BCORL1: variants seen among roughly 807,000 people sequenced by gnomAD.
BCORL1 encodes BCL-6 corepressor-like protein 1.
A neutral mutation model predicts 87.6 loss-of-function variants in BCORL1; 7 were observed. The observed-to-expected ratio is 0.08, with a 90% CI of 0.05 to 0.15. BCORL1 has a LOEUF of 0.15. BCORL1 is among the 10% of genes least tolerant of loss of function. BCORL1 has a pLI of 1.00. For synonymous variants in BCORL1, 591 were observed against 634.4 expected, an observed-to-expected ratio of 0.93 and a Z score of 1.03; for missense variants, 1,215 against 1,499.7, an observed-to-expected ratio of 0.81 and a Z score of 3.13.
rs539822611 is a variant in BCORL1, at chrX:130,014,852, G to A, written c.2080G>A (p.Val694Met). 3.9e-5 allele frequency: 47 copies of A among 1,211,557 alleles called. No homozygotes were observed. Among genetic ancestry groups the A allele is most frequent in the African/African-American group, 6.9e-5 (4 of 57,726 alleles). ...SSPFVIFPEI[V>M]RNGDPSTWVK... is the part of the protein sequence containing the mutation. ...GCCCTTTGTCATCTTTCCCGAGATC[G>A]TGAGGAATGGGGACCCGAGCACCTG... Residue 694 changes from valine to methionine, a missense_variant, in exon 4 of 14, where the codon GTG becomes ATG. By Grantham distance (21) the Val-to-Met change is conservative (BLOSUM62 1). Transcript: ENST00000540052.
chrX:129,999,297 C>CT (rs1213156086), intron 1 of BCORL1, among the ~76,000 whole-genome samples: 1,686 of 39,113 alleles, frequency 0.043, 411 homozygotes, highest in Admixed American at 0.075. Context: ...TGAAACACAT[C>CT]TTTTTTTTTT....
intron 4 of BCORL1, among the ~76,000 whole-genome samples, chrX:130,020,317 G>A (rs952975499): frequency 8.9e-6 from 1 of 111,829 alleles, no homozygotes; most frequent in African/African-American, 3.3e-5. Flanking sequence ...AGGGTTGTGG[G>A]GAGGATAAAA....
At chrX:130,024,588 G>A (rs1260958253) in intron 6 of BCORL1, among the ~76,000 whole-genome samples, 1 of 110,982 alleles carries the variant, frequency 9.0e-6, no homozygotes, top group African/African-American at 3.3e-5. Flanking sequence ...CCAGGGACCC[G>A]TGGCCCTCTC....
rs776398417 is a variant in BCORL1 at position 130,033,409 on chromosome X, C to T, written c.4306-1046C>T. On this transcript the variant is annotated intron_variant, in intron 8 of 13. Transcript: ENST00000540052. ...CTCCTAGTGTTTTGTGAGCACCTAC[C>T]CTGCTCACAGTTCTGGAGCCTTTGT... Among the ~76,000 whole-genome samples the T allele has an allele frequency of 3.6e-5, 4 of 112,056 alleles. No individual in the cohort carries two copies. In the South Asian group the frequency reaches 1.1e-3, roughly 31 times the overall value.
At chrX:129,980,463 G>T (rs1254650680), upstream of BCORL1, among the ~76,000 whole-genome samples, 3 of 112,127 alleles carry the variant, frequency 2.7e-5, no homozygotes, top group Non-Finnish European at 5.7e-5. Flanking sequence ...GGAGGATAAA[G>T]AAACTTGCTT....
At chrX:130,052,907 C>T (rs1932151950) in intron 13 of BCORL1, among the ~76,000 whole-genome samples, 1 of 112,186 alleles carries the variant, frequency 8.9e-6, no homozygotes, top group African/African-American at 3.2e-5. Flanking sequence ...TTTGGGAGGC[C>T]GAGGCAGGTG....
intron 5 of BCORL1, among the ~76,000 whole-genome samples, chrX:130,021,912 C>T (rs189701255): frequency 4.8e-4 from 54 of 111,723 alleles, no homozygotes; most frequent in Admixed American, 6.6e-4. Context: ...CTCAGCCTCC[C>T]GAGTAGCTGG....
intron 5 of BCORL1, 75 bp downstream of exon 5, chrX:130,021,225 G>A: frequency 8.9e-7 from 1 of 1,124,602 alleles, no homozygotes; most frequent in Non-Finnish European, 1.2e-6. Flanking sequence ...GGGCAGAGGG[G>A]CTCAGGCGCT....
chrX:129,982,029 C>A (rs891875816), upstream of BCORL1, among the ~76,000 whole-genome samples: 4 of 109,983 alleles, frequency 3.6e-5, no homozygotes, highest in Non-Finnish European at 5.7e-5. Context: ...CTCCGCTGCC[C>A]GGCAGAGGAG....
chrX:130,022,125 C>T (rs1202911814), intron 5 of BCORL1, among the ~76,000 whole-genome samples: 1 of 110,709 alleles, frequency 9.0e-6, no homozygotes, highest in Non-Finnish European at 1.9e-5. Flanking sequence ...TTCACTGGCT[C>T]CTTGTTCCTA....
chrX:130,020,929 A>G, intron 4 of BCORL1, 56 bp from the exon 5 acceptor site: 1 of 1,098,747 alleles, frequency 9.1e-7, no homozygotes, highest in Non-Finnish European at 1.2e-6. Context: ...CAACCCCTGG[A>G]GAGCTTTCTT....
chrX:129,997,620 C>T (rs778634661), intron 1 of BCORL1, among the ~76,000 whole-genome samples: 77 of 108,056 alleles, frequency 7.1e-4, no homozygotes, highest in South Asian at 4.9e-3. Flanking sequence ...GGTGAAACCC[C>T]GTCTCTACTA....
Position 130,025,371 on chromosome X carries a change from G to A in BCORL1, c.4070G>A (p.Gly1357Glu). 1.7e-6 allele frequency: 2 copies of A among 1,148,176 alleles called. No individual in the cohort carries two copies. Among genetic ancestry groups the A allele is most frequent in the East Asian group, 3.0e-5 (1 of 33,122 alleles). The allele number at this position is 1,148,176 out of a possible 1,213,427, so 94.6% of individuals were successfully genotyped here. A position where few individuals can be genotyped will look rare whatever the true frequency, so the allele number is the denominator to read the frequency against. Residue 1357 changes from glycine (G) to glutamate (E), a missense_variant, in exon 7 of 14, where the codon GGG (glycine) becomes GAG (glutamate). Gly to Glu is a moderately conservative substitution (Grantham distance 98). Around this residue, in one of 5 missense-constraint regions of BCORL1, gnomAD observed 166 missense variants for 196.5 expected, o/e 0.84. Transcript: ENST00000540052. ...CAAGAAGACGAGCAGCGGCGGAAAG[G>A]GAGAGCAGGTAAGGCTGGCCAGGGG... ...TEQEDEQRRK[G>E]RADLKARKQK...
chrX:130,044,095 G>A (rs1214567887), intron 11 of BCORL1, among the ~76,000 whole-genome samples: 2 of 106,312 alleles, frequency 1.9e-5, no homozygotes, highest in Admixed American at 1.0e-4. Flanking sequence ...TAGTAGAGAC[G>A]GGGTTCACCA....
rs190646983 is a variant in BCORL1 at position 130,040,415 on chromosome X, G to A, written c.4840+1133G>A. On this transcript the variant is annotated intron_variant, in intron 11 of 13. Coordinates refer to ENST00000540052, the MANE Select transcript of BCORL1 (RefSeq NM_001379451.1). ...TATGGAAGGGGAGGACTAGGTAGGCGGTGAGTGGGGGGTAATAGGAGGCTG... is the reference window on the plus strand; with the variant it reads ...TATGGAAGGGGAGGACTAGGTAGGCAGTGAGTGGGGGGTAATAGGAGGCTG... Among the ~76,000 whole-genome samples, 725 of 112,390 alleles carry A rather than the reference G, an allele frequency of 6.5e-3. 4 individuals are homozygous for A. The highest frequency in any genetic ancestry group is 9.3e-3 in the Middle Eastern group (2 of 215).
At position 130,013,465 on chromosome X, in the gene BCORL1, C is replaced by A. The variant is rs775690844; in HGVS notation, c.693C>A (p.Val231=). 2.5e-6 allele frequency: 3 copies of A among 1,210,930 alleles called. No individual in the cohort carries two copies. The East Asian group carries it at 8.9e-5, about 36-fold the overall frequency. ...FQVPLSVPAP[V]PHSGLVPVQV... is the part of the protein sequence containing the mutation. Reference sequence around the variant, plus strand: ...TTCCCCTCTCCGTCCCTGCCCCAGTCCCCCATTCAGGGCTTGTTCCAGTCC... The same window carrying A: ...TTCCCCTCTCCGTCCCTGCCCCAGTACCCCATTCAGGGCTTGTTCCAGTCC... Residue 231 remains valine (V), a synonymous_variant, in exon 4 of 14, where the codon GTC becomes GTA. Transcript: ENST00000540052.
At chrX:129,998,054 C>T (rs1464244010) in intron 1 of BCORL1, among the ~76,000 whole-genome samples, 2 of 107,170 alleles carry the variant, frequency 1.9e-5, no homozygotes, top group Admixed American at 1.0e-4. Context: ...TGGCAGAGCA[C>T]GTGCTCTCCT....
At chrX:130,027,027 G>C (rs1271999689) in intron 7 of BCORL1, among the ~76,000 whole-genome samples, 8 of 113,211 alleles carry the variant, frequency 7.1e-5, no homozygotes, top group Non-Finnish European at 1.5e-4. Flanking sequence ...CAGGTAGGCA[G>C]AGCCACTTCC....
chrX:130,034,662 C>T lies in BCORL1; in HGVS notation c.4513C>T (p.Arg1505Cys), dbSNP rs1378883628. Reference sequence around the variant, plus strand: ...TGAGACCCTCCTGCAGAGGGCGGCGCGTCTTGGCTATAAGGTAAGGGAGTT... The same window carrying T: ...TGAGACCCTCCTGCAGAGGGCGGCGTGTCTTGGCTATAAGGTAAGGGAGTT... ...AGETLLQRAA[R>C]LGYKDVVLYC... The change falls in exon 9 of 14, where the codon CGT (arginine) becomes TGT (cysteine). Residue 1505 changes from arginine to cysteine, a missense_variant. Arg to Cys is a radical substitution (Grantham distance 180). Around this residue, in one of 5 missense-constraint regions of BCORL1, gnomAD observed 55 missense variants for 115.1 expected, o/e 0.48. Transcript: ENST00000540052. The T allele has an allele frequency of 7.1e-6, 7 of 981,560 alleles. No individual in the cohort carries two copies. The highest frequency in any genetic ancestry group is 4.0e-5 in the African/African-American group (2 of 50,473). 80.9% of individuals were successfully genotyped at this position (981,560 alleles called of 1,213,427 possible). A position where few individuals can be genotyped will look rare whatever the true frequency, so the allele number is the denominator to read the frequency against.
Sources: gnomAD v4.1 joint callset for allele counts (sites outside exome capture counted in the v4.1 genomes callset) on GRCh38, gnomAD v4.1.1 for gene constraint, gnomAD v4.1.1 regional missense constraint, MANE v1.5 for transcripts, NCBI Gene and HGNC (gene_info 2026-07-23, HGNC 2026-07-21) for gene names.